Variants in TCF4 observed in about 807,000 individuals in gnomAD.
TCF4 encodes transcription factor 4.
A neutral mutation model predicts 82.1 loss-of-function variants in TCF4; 3 were observed. The observed-to-expected ratio is 0.04, with a 90% CI of 0.02 to 0.09. The LOEUF is 0.09. Ranked by LOEUF, TCF4 falls within the 10% of genes least tolerant of loss-of-function variation. TCF4 has a pLI of 1.00. For synonymous variants in TCF4, 276 were observed against 309.6 expected (o/e 0.89, Z 1.14); for missense variants, 518 against 852.7 (o/e 0.61, Z 4.89).
chr18:55,598,915 A>G (rs2097693936), intron 2 of TCF4, among the ~76,000 whole-genome samples: 1 of 152,194 alleles, frequency 6.6e-6, no homozygotes, highest in Admixed American at 6.5e-5. Flanking sequence ...AATGGAAGCA[A>G]TCACTCTTTT....
At chr18:55,320,017 G>T (rs1016210733) in intron 8 of TCF4, among the ~76,000 whole-genome samples, 2 of 152,024 alleles carry the variant, frequency 1.3e-5, no homozygotes, top group Non-Finnish European at 2.9e-5. Context: ...CCCTGAATCT[G>T]CTTCAGAGAC....
chr18:55,418,710 C>G (rs918548616), intron 5 of TCF4, among the ~76,000 whole-genome samples: 2 of 152,108 alleles, frequency 1.3e-5, no homozygotes, highest in Non-Finnish European at 2.9e-5. Context: ...ATCTTTTGCC[C>G]AGGCCTACCT....
intron 5 of TCF4, among the ~76,000 whole-genome samples, chr18:55,434,419 C>T (rs375388593): frequency 1.0e-3 from 119 of 118,140 alleles, no homozygotes; most frequent in South Asian, 1.4e-3. Context: ...ACAGGACATT[C>T]TTTTTTTTTT....
chr18:55,338,832 A>G (rs1408102286), intron 8 of TCF4, among the ~76,000 whole-genome samples: 1 of 152,154 alleles, frequency 6.6e-6, no homozygotes, highest in Non-Finnish European at 1.5e-5. Flanking sequence ...TATAATTCCA[A>G]CGAGGCATCG....
chr18:55,286,171 A>C (rs2063627430), intron 8 of TCF4, among the ~76,000 whole-genome samples: 1 of 152,210 alleles, frequency 6.6e-6, no homozygotes. Flanking sequence ...TTTTATGGAC[A>C]ATAAAAGCTG....
At chr18:55,586,840 CAAA>C (rs34071688) in intron 2 of TCF4, 268 of 405,470 alleles carry the variant, frequency 6.6e-4, no homozygotes, top group Middle Eastern at 1.4e-3. Flanking sequence ...TAATAAAACT[CAAA>C]AAAAAAAAAA....
At chr18:55,617,269 C>T (rs778848387) in intron 2 of TCF4, among the ~76,000 whole-genome samples, 4 of 151,964 alleles carry the variant, frequency 2.6e-5, no homozygotes, top group Non-Finnish European at 4.4e-5. Flanking sequence ...CCTTTATTTC[C>T]AGGTTCTCTG....
At chr18:55,271,484 G>A (rs73488969) in intron 10 of TCF4, among the ~76,000 whole-genome samples, 6,667 of 152,114 alleles carry the variant, frequency 0.044, 277 homozygotes, top group African/African-American at 0.11. Context: ...ATGAATCTAC[G>A]TATTAGAGGT....
chr18:55,508,101 G>C (rs765739384), intron 3 of TCF4, among the ~76,000 whole-genome samples: 1 of 152,028 alleles, frequency 6.6e-6, no homozygotes, highest in Non-Finnish European at 1.5e-5. Context: ...GGCAGCCGGG[G>C]AAATGTACCC....
chr18:55,382,316 T>C (rs546272026), intron 6 of TCF4, among the ~76,000 whole-genome samples: 3 of 152,092 alleles, frequency 2.0e-5, no homozygotes, highest in African/African-American at 7.2e-5. Flanking sequence ...CTTAGTCACG[T>C]AGCCTTTCTC....
At chr18:55,482,298 G>T (rs1164533041) in intron 3 of TCF4, 1 of 152,094 alleles carries the variant, frequency 6.6e-6, no homozygotes, top group Non-Finnish European at 1.5e-5. Context: ...GTCCTGATTG[G>T]GACCATCATG....
At chr18:55,234,386 C>T (rs892200998) in intron 16 of TCF4, 162 bp downstream of exon 16, 24 of 931,364 alleles carry the variant, frequency 2.6e-5, no homozygotes, top group Non-Finnish European at 3.6e-5. Flanking sequence ...AATTAGCGGG[C>T]GAAGTTCTAA....
At chr18:55,465,182 T>C (rs1433581340) in intron 3 of TCF4, among the ~76,000 whole-genome samples, 1 of 152,182 alleles carries the variant, frequency 6.6e-6, no homozygotes, top group Admixed American at 6.5e-5. Context: ...GAAACTAAGG[T>C]TCAGGAGACA....
intron 1 of TCF4, among the ~76,000 whole-genome samples, chr18:55,634,018 CA>C (rs1270497060): frequency 6.6e-6 from 1 of 152,198 alleles, no homozygotes; most frequent in Non-Finnish European, 1.5e-5. Context: ...CCTGTAATCC[CA>C]GAACTTGGGG....
In TCF4 at chr18:55,275,749, C is replaced by T. The variant is rs1480547602; in HGVS notation, c.659G>A (p.Gly220Asp). ...GCTCCAAGGGTCACTGCTGTGATGG[C>T]CATCTGTAAAGGACAAAGACAACCA... ...TFPSSFFMQDGHHSSDPWSSS... is the reference protein window; with the variant it reads ...TFPSSFFMQDDHHSSDPWSSS... The change falls in exon 10 of 20, where the codon GGC becomes GAC. Residue 220 changes from glycine to aspartate, a missense_variant. Around this residue, in one of 7 missense-constraint regions of TCF4, gnomAD observed 211 missense variants for 327.4 expected, o/e 0.64. Transcript: ENST00000354452. 2 of 1,613,598 alleles carry T rather than the reference C, an allele frequency of 1.2e-6. No homozygotes were observed. Among genetic ancestry groups the T allele is most frequent in the African/African-American group, 2.7e-5 (2 of 74,882 alleles).
chr18:55,428,757 T>C (rs897106142), intron 5 of TCF4, among the ~76,000 whole-genome samples: 5 of 152,208 alleles, frequency 3.3e-5, no homozygotes, highest in Non-Finnish European at 7.3e-5. Flanking sequence ...TCAGGCTACA[T>C]AGCTCAAAAT....
intron 3 of TCF4, among the ~76,000 whole-genome samples, chr18:55,514,601 C>A (rs1437244492): frequency 6.6e-6 from 1 of 152,130 alleles, no homozygotes; most frequent in Non-Finnish European, 1.5e-5. Flanking sequence ...CTGATTATCT[C>A]AATTCTTAAA....
intron 8 of TCF4, among the ~76,000 whole-genome samples, chr18:55,301,820 G>T (rs1384635321): frequency 6.7e-6 from 1 of 149,812 alleles, no homozygotes; most frequent in Non-Finnish European, 1.5e-5. Flanking sequence ...AAAGTGGGGG[G>T]GGATTCGGGT....
At chr18:55,369,906 G>T (rs1256097191) in intron 6 of TCF4, among the ~76,000 whole-genome samples, 2 of 141,384 alleles carry the variant, frequency 1.4e-5, no homozygotes, top group Non-Finnish European at 3.1e-5. Flanking sequence ...GAACATCAGA[G>T]TTTTATTTGT....
Sources: allele counts gnomAD v4.1 joint callset (sites outside exome capture counted in the v4.1 genomes callset), GRCh38; gene constraint gnomAD v4.1.1; regional missense constraint gnomAD v4.1.1; transcripts MANE v1.5; gene names NCBI Gene and HGNC (gene_info 2026-07-23, HGNC 2026-07-21).